ELAVL4: variants seen among roughly 807,000 people sequenced by gnomAD.
ELAVL4 encodes ELAV like RNA binding protein 4.
In ELAVL4, 1 loss-of-function variant was observed where a neutral mutation model predicts 35.6. The observed-to-expected ratio is 0.03, with a 90% confidence interval of 0.01 to 0.13. The LOEUF is 0.13. ELAVL4 is among the 10% of genes least tolerant of loss of function. The pLI is 1.00. For synonymous variants in ELAVL4, 156 were observed against 171.0 expected, an observed-to-expected ratio of 0.91 and a Z score of 0.69; for missense variants, 267 against 464.9, an observed-to-expected ratio of 0.57 and a Z score of 3.91.
chr1:50,137,189 T>C (rs1473036244), intron 1 of ELAVL4, among the ~76,000 whole-genome samples: 1 of 152,154 alleles, frequency 6.6e-6, no homozygotes, highest in Non-Finnish European at 1.5e-5. Context: ...ACTTTCCATC[T>C]TTATTTTTAT....
Position 50,145,019 on chromosome 1 carries a change from C to T in ELAVL4, c.72C>T (p.Pro24=), listed in dbSNP as rs1168383473. 3 of 1,613,808 alleles carry T rather than the reference C, an allele frequency of 1.9e-6. No individual in the cohort carries two copies. The highest frequency in any genetic ancestry group is 3.3e-5 in the Admixed American group (2 of 59,974). The change falls in exon 2 of 7, where the codon CCC becomes CCT. Residue 24 remains proline, a synonymous_variant. Transcript: ENST00000371824. Reference sequence around the variant, plus strand: ...CGACATCCAATACAAGCAATGGACCCTCCAGCAACAACAGAAACTGTCCTT... The same window carrying T: ...CGACATCCAATACAAGCAATGGACCTTCCAGCAACAACAGAAACTGTCCTT... ...NGPTSNTSNG[P]SSNNRNCPSP...
At chr1:50,048,107 G>A in exon 1 of ELAVL4, 1 of 1,461,100 alleles carries the variant, frequency 6.8e-7, no homozygotes, top group South Asian at 1.3e-5. Flanking sequence ...CTTCCCGCCC[G>A]CCGCGCTCCG....
chr1:50,173,885 A>T (rs1168105465), intron 2 of ELAVL4, among the ~76,000 whole-genome samples: 3 of 152,222 alleles, frequency 2.0e-5, no homozygotes, highest in Non-Finnish European at 4.4e-5. Context: ...TGGAATACAG[A>T]TACAGATACA....
intron 1 of ELAVL4, among the ~76,000 whole-genome samples, chr1:50,091,850 A>T (rs567096496): frequency 3.3e-5 from 5 of 152,322 alleles, no homozygotes; most frequent in Admixed American, 1.3e-4. Context: ...CATTTAATAG[A>T]TGAGACTTCT....
intron 1 of ELAVL4, among the ~76,000 whole-genome samples, chr1:50,133,633 AAGAAAGAAAGAAAGAAAG>A (rs1671344806): frequency 1.3e-5 from 2 of 149,444 alleles, no homozygotes; most frequent in African/African-American, 4.9e-5. Context: ...GAAAGAAAGA[AAGAAAGAAAGAAAGAAAG>A]AGAAAGAAAG....
At chr1:50,107,442 T>A (rs1666428544), upstream of ELAVL4, among the ~76,000 whole-genome samples, 1 of 152,206 alleles carries the variant, frequency 6.6e-6, no homozygotes, top group Admixed American at 6.5e-5. Context: ...GAAGTGTGAA[T>A]ATATATGTAT....
chr1:50,181,630 G>A (rs1436713004), intron 3 of ELAVL4, among the ~76,000 whole-genome samples: 1 of 152,084 alleles, frequency 6.6e-6, no homozygotes, highest in African/African-American at 2.4e-5. Context: ...AGGAGTTTGG[G>A]ATGCTATTTG....
At chr1:50,193,697 T>G (rs954911282) in intron 3 of ELAVL4, 68 bp from the exon 4 acceptor site, 1 of 1,541,156 alleles carries the variant, frequency 6.5e-7, no homozygotes, top group East Asian at 2.3e-5. Context: ...TCATCTTGGT[T>G]GTGGACTCAG....
At chr1:50,159,755 C>A (rs1676448782) in intron 2 of ELAVL4, among the ~76,000 whole-genome samples, 1 of 152,092 alleles carries the variant, frequency 6.6e-6, no homozygotes, top group Non-Finnish European at 1.5e-5. Context: ...CTTTCTAAGC[C>A]AGTAGAGAAG....
chr1:50,133,471 T>C (rs1441303003), intron 1 of ELAVL4, among the ~76,000 whole-genome samples: 1 of 152,006 alleles, frequency 6.6e-6, no homozygotes, highest in Non-Finnish European at 1.5e-5. Context: ...TTAGGGGCAA[T>C]GGTATCCAAC....
chr1:50,189,603 T>C (rs1682361725), intron 3 of ELAVL4, among the ~76,000 whole-genome samples: 1 of 152,164 alleles, frequency 6.6e-6, no homozygotes. Context: ...GTGTTCCACA[T>C]GTTTTTTTTG....
chr1:50,071,525 C>T lies in ELAVL4; in HGVS notation c.18+23343C>T, dbSNP rs143301702. On this transcript the variant is annotated intron_variant, in intron 1 of 6. Coordinates refer to the ELAVL4 transcript ENST00000448907. ...AGTTCATCGTGAATGCAGCTTCCTA[C>T]TGGACCACATAGCCACATACACAAA... Among the ~76,000 whole-genome samples, 133 of 152,304 alleles carry T rather than the reference C, an allele frequency of 8.7e-4. 1 individual carries two copies. Among genetic ancestry groups the T allele is most frequent in the African/African-American group, 3.0e-3 (124 of 41,562 alleles).
intron 1 of ELAVL4, among the ~76,000 whole-genome samples, chr1:50,132,416 A>G (rs1283174474): frequency 1.3e-5 from 2 of 152,200 alleles, no homozygotes; most frequent in Non-Finnish European, 1.5e-5. Flanking sequence ...TGTTCATAAT[A>G]TCAGAGTTTG....
At chr1:50,078,169 CTA>C (rs1664851657) in intron 1 of ELAVL4, among the ~76,000 whole-genome samples, 1 of 148,784 alleles carries the variant, frequency 6.7e-6, no homozygotes, top group Non-Finnish European at 1.5e-5. Context: ...GTTTATATAT[CTA>C]TGTGAATATA....
chr1:50,123,266 T>G (rs1241009674), intron 1 of ELAVL4, among the ~76,000 whole-genome samples: 1 of 152,066 alleles, frequency 6.6e-6, no homozygotes. Flanking sequence ...AGTTGCTAGA[T>G]GAATCCAGCC....
At chr1:50,168,963 T>TATATAC (rs886428027) in intron 2 of ELAVL4, among the ~76,000 whole-genome samples, 4 of 147,880 alleles carry the variant, frequency 2.7e-5, no homozygotes, top group East Asian at 3.9e-4. Context: ...TATATATATA[T>TATATAC]ACACACACAC....
intron 1 of ELAVL4, among the ~76,000 whole-genome samples, chr1:50,069,619 C>T (rs972460851): frequency 6.6e-6 from 1 of 152,182 alleles, no homozygotes; most frequent in Non-Finnish European, 1.5e-5. Flanking sequence ...TCCGGTGTTC[C>T]TCTTAGTGAT....
chr1:50,188,159 T>A (rs573151247), intron 3 of ELAVL4, among the ~76,000 whole-genome samples: 1 of 152,234 alleles, frequency 6.6e-6, no homozygotes, highest in African/African-American at 2.4e-5. Context: ...GAGCTTCCTG[T>A]CCTTGGAAAT....
chr1:50,086,754 C>A (rs1158319770), intron 1 of ELAVL4, among the ~76,000 whole-genome samples: 1 of 152,034 alleles, frequency 6.6e-6, no homozygotes, highest in East Asian at 1.9e-4. Flanking sequence ...CCCTCCACAC[C>A]CCGCACCCTC....
Sources: gnomAD v4.1 joint callset for allele counts (sites outside exome capture counted in the v4.1 genomes callset) on GRCh38, gnomAD v4.1.1 for gene constraint, MANE v1.5 for transcripts, NCBI Gene and HGNC (gene_info 2026-07-23, HGNC 2026-07-21) for gene names.